The following CDH8 variants were observed in gnomAD, a reference collection of about 807,000 sequenced individuals.
CDH8 encodes cadherin-8.
Under a neutral mutation model 68.1 loss-of-function variants are expected in CDH8, and 17 were observed. That is an observed-to-expected ratio of 0.25 (90% CI 0.17 to 0.37). The LOEUF (loss-of-function observed/expected upper bound fraction) is 0.37. Among genes scored for constraint, CDH8 ranks in the 10% least tolerant of loss-of-function variants. The pLI, the probability that CDH8 is intolerant of heterozygous loss-of-function variation, is 1.00. For missense variants in CDH8, 763 were observed against 999.3 expected (o/e 0.76, Z 3.19); for synonymous variants, 372 against 365.1 (o/e 1.02, Z -0.21).
intron 8 of CDH8, among the ~76,000 whole-genome samples, chr16:61,749,823 C>T (rs1465659148): frequency 6.6e-6 from 1 of 151,984 alleles, no homozygotes; most frequent in Non-Finnish European, 1.5e-5. Context: ...AGCCATGATT[C>T]CAGAAAACTT....
At chr16:61,813,297 G>A (rs544719056) in intron 7 of CDH8, among the ~76,000 whole-genome samples, 2 of 152,178 alleles carry the variant, frequency 1.3e-5, no homozygotes, top group Non-Finnish European at 2.9e-5. Context: ...ACTGGGGATA[G>A]GCATGGCACC....
chr16:61,796,512 T>C (rs1276636625), intron 7 of CDH8, among the ~76,000 whole-genome samples: 3 of 152,068 alleles, frequency 2.0e-5, no homozygotes. Context: ...ATATCAATTC[T>C]AATGATGGAA....
intron 2 of CDH8, among the ~76,000 whole-genome samples, chr16:61,999,449 G>A (rs1042465027): frequency 1.2e-4 from 19 of 152,104 alleles, no homozygotes; most frequent in African/African-American, 2.2e-4. Context: ...CACACAGAGA[G>A]CACGAAGAAT....
rs572793307 is a variant in CDH8, at chr16:61,750,037, GT to G, written c.1415-22823del. Among the ~76,000 whole-genome samples the G allele has an allele frequency of 1.9e-4, 29 of 152,108 alleles. No homozygotes were observed. In the East Asian group the frequency reaches 5.4e-3, roughly 28 times the overall value. ...TAGTCAGCATAGTATTCAATAGCTG[GT>G]TTTTCAACCCTTTGTCCCCCTGTCT... is the stretch of plus-strand genomic sequence containing the variant. On this transcript the variant is annotated intron_variant, in intron 8 of 11. Transcript: ENST00000577390.
At chr16:61,818,772 T>C (rs1962141297) in intron 6 of CDH8, among the ~76,000 whole-genome samples, 1 of 152,132 alleles carries the variant, frequency 6.6e-6, no homozygotes, top group Non-Finnish European at 1.5e-5. Flanking sequence ...TCATAAGAAA[T>C]AGAACTTTAA....
chr16:61,745,319 A>G (rs746656203), intron 8 of CDH8, among the ~76,000 whole-genome samples: 7 of 151,686 alleles, frequency 4.6e-5, no homozygotes, highest in Non-Finnish European at 1.0e-4. Context: ...TGTTACTATG[A>G]TGTGTCCTGG....
At chr16:61,841,901 G>T (rs556489730) in intron 4 of CDH8, among the ~76,000 whole-genome samples, 2 of 152,078 alleles carry the variant, frequency 1.3e-5, no homozygotes, top group East Asian at 3.9e-4. Context: ...TTGTTTGTTT[G>T]CTTGGAGACG....
At chr16:61,734,286 T>C (rs1429704947) in intron 8 of CDH8, among the ~76,000 whole-genome samples, 1 of 148,620 alleles carries the variant, frequency 6.7e-6, no homozygotes, top group African/African-American at 2.4e-5. Flanking sequence ...CTAGGAAGCA[T>C]TCCATTTAGA....
Position 61,977,942 on chromosome 16 carries a change from T to A in CDH8, c.252+43210A>T, listed in dbSNP as rs75115043. On this transcript the variant is annotated intron_variant, in intron 2 of 11. Transcript: ENST00000577390. The stretch of plus-strand genomic sequence containing the variant: ...CGCTTTAATGATAGTTTGTTATTTT[T>A]ACCATTTTTAGGTTTGTGTTGCTTT... 4.6e-3 allele frequency among the ~76,000 whole-genome samples: 699 copies of A among 152,306 alleles called. 3 individuals are homozygous for A. The highest frequency in any genetic ancestry group is 0.016 in the African/African-American group (658 of 41,578).
intron 2 of CDH8, among the ~76,000 whole-genome samples, chr16:61,964,045 C>T (rs1304462451): frequency 1.3e-5 from 2 of 152,130 alleles, no homozygotes; most frequent in East Asian, 3.9e-4. Flanking sequence ...TTCTTGGAAA[C>T]TGAAACTTTA....
chr16:61,902,719 T>C (rs1395602786), intron 2 of CDH8, among the ~76,000 whole-genome samples: 1 of 152,042 alleles, frequency 6.6e-6, no homozygotes, highest in Non-Finnish European at 1.5e-5. Flanking sequence ...CTTCAATAAG[T>C]GAAAAGAAAG....
At position 61,652,207 on chromosome 16, in the gene CDH8, C is replaced by A. The variant is rs1282669004; in HGVS notation, c.*1401G>T. The A allele has an allele frequency of 2.0e-6, 2 of 982,094 alleles. No individual in the cohort carries two copies. Among genetic ancestry groups the A allele is most frequent in the Non-Finnish European group, 2.4e-6 (2 of 826,894 alleles). 60.8% of individuals were successfully genotyped at this position (982,094 alleles called of 1,614,324 possible). A position where few individuals can be genotyped will look rare whatever the true frequency, so the allele number is the denominator to read the frequency against. Reference sequence around the variant, plus strand: ...CATTACAAATTAAATATGCTCACATCTTCTAGTGCTGTTCCTTTTTGGAGT... The same window carrying A: ...CATTACAAATTAAATATGCTCACATATTCTAGTGCTGTTCCTTTTTGGAGT... On this transcript the variant is annotated 3_prime_UTR_variant, in exon 12 of 12. Coordinates refer to ENST00000577390, the MANE Select transcript of CDH8 (RefSeq NM_001796.5).
intron 2 of CDH8, among the ~76,000 whole-genome samples, chr16:61,973,271 T>G (rs1965375967): frequency 6.6e-6 from 1 of 152,244 alleles, no homozygotes; most frequent in Admixed American, 6.5e-5. Context: ...ACTTAATGAA[T>G]AGTAAATAGA....
chr16:62,021,216 C>A lies in CDH8; in HGVS notation c.188G>T (p.Trp63Leu). 1 of 1,614,000 alleles carries A rather than the reference C, an allele frequency of 6.2e-7. No homozygotes were observed. The highest frequency in any genetic ancestry group is 8.5e-7 in the Non-Finnish European group (1 of 1,179,948). ...CAGGACAAACATTTGATTCCAAACC[C>A]AGCCTCTTTTGGAGCGGTTCAAAAT... ...QRILNRSKRG[W>L]VWNQMFVLEE... The change falls in exon 2 of 12, where the codon TGG (tryptophan) becomes TTG (leucine). Residue 63 changes from tryptophan (W) to leucine (L), a missense_variant. Transcript: ENST00000577390.
intron 2 of CDH8, among the ~76,000 whole-genome samples, chr16:61,983,366 T>C (rs1464360411): frequency 6.6e-6 from 1 of 152,342 alleles, no homozygotes; most frequent in South Asian, 2.1e-4. Flanking sequence ...TTTTTTGTTT[T>C]TGTAACATTA....
chr16:61,856,252 C>T (rs926478609), intron 4 of CDH8, among the ~76,000 whole-genome samples: 7 of 151,804 alleles, frequency 4.6e-5, no homozygotes, highest in Non-Finnish European at 8.8e-5. Flanking sequence ...ACATACAATA[C>T]CACTGGATAT....
chr16:61,867,703 AC>A (rs1377859737), intron 3 of CDH8, among the ~76,000 whole-genome samples: 1 of 152,024 alleles, frequency 6.6e-6, no homozygotes, highest in East Asian at 1.9e-4. Context: ...TACTTTATTT[AC>A]CCACTACTCA....
chr16:61,926,840 G>C (rs1207612700), intron 2 of CDH8, among the ~76,000 whole-genome samples: 2 of 152,148 alleles, frequency 1.3e-5, no homozygotes, highest in Admixed American at 1.3e-4. Context: ...TGGATACAAA[G>C]GGTCTCATTT....
At chr16:61,820,314 G>GTT (rs545670875) in intron 6 of CDH8, among the ~76,000 whole-genome samples, 5,532 of 90,688 alleles carry the variant, frequency 0.061, 778 homozygotes, top group African/African-American at 0.21. Context: ...TGCCTGTTTG[G>GTT]TTTTTTTTTT....
Sources: allele counts gnomAD v4.1 joint callset (sites outside exome capture counted in the v4.1 genomes callset), GRCh38; gene constraint gnomAD v4.1.1; transcripts MANE v1.5; gene names NCBI Gene and HGNC (gene_info 2026-07-23, HGNC 2026-07-21).